TENM3: variants seen among roughly 807,000 people sequenced by gnomAD.
The protein encoded by TENM3 is teneurin transmembrane protein 3, also known as teneurin-3.
A neutral mutation model predicts 255.1 loss-of-function variants in TENM3; 63 were observed. The observed-to-expected ratio is 0.25, with a 90% CI of 0.20 to 0.30. The LOEUF (loss-of-function observed/expected upper bound fraction) is 0.30, where lower values mean the gene tolerates loss of function less well. Ranked by LOEUF, TENM3 falls within the 10% of genes least tolerant of loss-of-function variation. TENM3 has a pLI of 1.00. For missense variants in TENM3, 2,929 were observed against 3,461.1 expected (o/e 0.85, Z 3.86); for synonymous variants, 1,306 against 1,322.3 (o/e 0.99, Z 0.27).
At chr4:182,441,701 T>C (rs2151259648) in intron 3 of TENM3, among the ~76,000 whole-genome samples, 1 of 152,324 alleles carries the variant, frequency 6.6e-6, no homozygotes, top group African/African-American at 2.4e-5. Context: ...TTTCACTATG[T>C]TGGCCAGGCT....
At chr4:181,489,463 C>T in the TENM3 span, among the ~76,000 whole-genome samples, 17 of 152,176 alleles carry the variant, frequency 1.1e-4, no homozygotes, top group Admixed American at 2.0e-4. Flanking sequence ...ATAATCAATG[C>T]GGGTTCTTTA....
At chr4:182,463,952 A>T (rs771188151) in intron 3 of TENM3, among the ~76,000 whole-genome samples, 1 of 151,966 alleles carries the variant, frequency 6.6e-6, no homozygotes, top group Non-Finnish European at 1.5e-5. Context: ...ATTTTGTTAT[A>T]ATTTCTTTCC....
At chr4:182,667,003 A>G (rs1754752540) in intron 6 of TENM3, among the ~76,000 whole-genome samples, 1 of 152,146 alleles carries the variant, frequency 6.6e-6, no homozygotes, top group Admixed American at 6.5e-5. Flanking sequence ...TGTGTACCTC[A>G]CTTTATTGTG....
chr4:181,511,215 C>T, the TENM3 span, among the ~76,000 whole-genome samples: 1 of 152,124 alleles, frequency 6.6e-6, no homozygotes. Flanking sequence ...CAGTTTGTGT[C>T]GTAAGAGGAA....
At chr4:182,366,508 A>G (rs892179122) in intron 3 of TENM3, among the ~76,000 whole-genome samples, 1 of 152,022 alleles carries the variant, frequency 6.6e-6, no homozygotes, top group African/African-American at 2.4e-5. Flanking sequence ...CACATTATCC[A>G]CTTTTGTAAA....
the TENM3 span, among the ~76,000 whole-genome samples, chr4:181,831,104 CACAG>C: frequency 2.6e-5 from 4 of 152,100 alleles, no homozygotes; most frequent in Admixed American, 2.0e-4. Context: ...ATATAATTGA[CACAG>C]ACAAATAATC....
chr4:181,483,594 T>C, the TENM3 span, among the ~76,000 whole-genome samples: 2 of 152,334 alleles, frequency 1.3e-5, no homozygotes, highest in Admixed American at 6.5e-5. Context: ...ATCGCTTTTC[T>C]AATTATAGAT....
chr4:182,603,275 AATC>A (rs1284223534), intron 4 of TENM3, among the ~76,000 whole-genome samples: 1 of 152,232 alleles, frequency 6.6e-6, no homozygotes, highest in African/African-American at 2.4e-5. Context: ...GCCATTAATG[AATC>A]ATCAATGGAA....
chr4:181,773,278 A>T, the TENM3 span, among the ~76,000 whole-genome samples: 2 of 152,168 alleles, frequency 1.3e-5, no homozygotes, highest in African/African-American at 4.8e-5. Flanking sequence ...GTAGAGACCA[A>T]AATCAGTCAT....
chr4:182,025,894 TA>T, the TENM3 span, among the ~76,000 whole-genome samples: 49 of 152,290 alleles, frequency 3.2e-4, no homozygotes, highest in African/African-American at 1.1e-3. Context: ...GTTACATAGG[TA>T]GACATGTGCC....
chr4:182,355,600 A>G (rs1765469008), intron 3 of TENM3, among the ~76,000 whole-genome samples: 1 of 152,194 alleles, frequency 6.6e-6, no homozygotes, highest in Non-Finnish European at 1.5e-5. Context: ...CAAACTTGGA[A>G]GCAAATTGGC....
At chr4:181,857,243 C>G in the TENM3 span, among the ~76,000 whole-genome samples, 2 of 150,548 alleles carry the variant, frequency 1.3e-5, no homozygotes, top group African/African-American at 4.9e-5. Context: ...TGAGAATGAA[C>G]AGAAGAAACC....
At chr4:182,397,716 A>G (rs1204764309) in intron 3 of TENM3, among the ~76,000 whole-genome samples, 1 of 152,162 alleles carries the variant, frequency 6.6e-6, no homozygotes, top group East Asian at 1.9e-4. Context: ...ACCTTCGGTG[A>G]GCACGGAATC....
At chr4:182,098,535 C>A in the TENM3 span, among the ~76,000 whole-genome samples, 1 of 152,154 alleles carries the variant, frequency 6.6e-6, no homozygotes, top group Non-Finnish European at 1.5e-5. Flanking sequence ...ATTTGCAACA[C>A]CACTGGTGGA....
At chr4:182,294,430 CT>C (rs10719053) in intron 1 of TENM3, among the ~76,000 whole-genome samples, 25,808 of 146,598 alleles carry the variant, frequency 0.18, 2,480 homozygotes, top group Middle Eastern at 0.25. Flanking sequence ...CCTAAACAGA[CT>C]TTTTTTTTTT....
intron 3 of TENM3, among the ~76,000 whole-genome samples, chr4:182,577,417 A>G (rs1045233117): frequency 6.6e-6 from 1 of 152,202 alleles, no homozygotes; most frequent in African/African-American, 2.4e-5. Flanking sequence ...GTGAATGAAT[A>G]AATGAAGGCA....
At chr4:181,614,695 A>G in the TENM3 span, among the ~76,000 whole-genome samples, 8 of 152,346 alleles carry the variant, frequency 5.3e-5, no homozygotes, top group South Asian at 1.2e-3. Flanking sequence ...CAAAATGCAC[A>G]GTAGATACCT....
chr4:181,589,142 A>G, the TENM3 span, among the ~76,000 whole-genome samples: 1 of 152,342 alleles, frequency 6.6e-6, no homozygotes, highest in East Asian at 1.9e-4. Flanking sequence ...CATCTGTCTT[A>G]AATGATTTTG....
the TENM3 span, among the ~76,000 whole-genome samples, chr4:182,087,657 C>A: frequency 1.3e-5 from 2 of 148,450 alleles, no homozygotes; most frequent in African/African-American, 2.5e-5. Flanking sequence ...ATAGATGGAT[C>A]GACATTAATA....
Sources: gnomAD v4.1 joint callset for allele counts (sites outside exome capture counted in the v4.1 genomes callset) on GRCh38, gnomAD v4.1.1 for gene constraint, MANE v1.5 for transcripts, NCBI Gene and HGNC (gene_info 2026-07-23, HGNC 2026-07-21) for gene names.